Variants in DLG1 observed in about 807,000 individuals in gnomAD.
DLG1 encodes discs large MAGUK scaffold protein 1.
A neutral mutation model predicts 123.4 loss-of-function variants in DLG1; 42 were observed. The observed-to-expected ratio is 0.34, with a 90% confidence interval of 0.27 to 0.44. The LOEUF (loss-of-function observed/expected upper bound fraction) is 0.44, where lower values mean the gene tolerates loss of function less well. DLG1 is among the 20% of genes least tolerant of loss of function. DLG1 has a pLI of 1.00. For synonymous variants in DLG1, 317 were observed against 356.2 expected, an observed-to-expected ratio of 0.89 and a Z score of 1.24; for missense variants, 942 against 1,082.6, an observed-to-expected ratio of 0.87 and a Z score of 1.82.
At chr3:197,263,748 C>A (rs896708716) in intron 4 of DLG1, among the ~76,000 whole-genome samples, 1 of 152,158 alleles carries the variant, frequency 6.6e-6, no homozygotes, top group Non-Finnish European at 1.5e-5. Flanking sequence ...GATCTCACCA[C>A]TGCACTCCAG....
At chr3:197,186,346 C>A (rs1384589672) in intron 5 of DLG1, among the ~76,000 whole-genome samples, 1 of 152,090 alleles carries the variant, frequency 6.6e-6, no homozygotes, top group East Asian at 1.9e-4. Flanking sequence ...TAAAGAAAAA[C>A]CTGGAAAACC....
intron 11 of DLG1, among the ~76,000 whole-genome samples, chr3:197,123,491 T>C (rs1259719506): frequency 6.6e-6 from 1 of 152,100 alleles, no homozygotes; most frequent in African/African-American, 2.4e-5. Context: ...CAGGCAAAAA[T>C]GCTGAAAATA....
chr3:197,094,744 A>G (rs1044019220), intron 14 of DLG1, among the ~76,000 whole-genome samples: 3 of 152,172 alleles, frequency 2.0e-5, no homozygotes, highest in African/African-American at 4.8e-5. Context: ...TACGAACACT[A>G]TCACTCTATT....
rs745725779 is a variant in DLG1, at chr3:197,065,465, C to T, written c.2201-17G>A. Reference sequence around the variant, plus strand: ...TAGTTGTATCTTTAACAGAAAAAAACTTGGGAAAGTGTTTAATATTAAAAA... The same window carrying T: ...TAGTTGTATCTTTAACAGAAAAAAATTTGGGAAAGTGTTTAATATTAAAAA... On this transcript the variant is annotated splice_polypyrimidine_tract_variant and intron_variant, in intron 21 of 24. Coordinates refer to ENST00000667157, the MANE Select transcript of DLG1 (RefSeq NM_001366207.1). 1 of 1,558,584 alleles carries T rather than the reference C, an allele frequency of 6.4e-7. No homozygotes were observed. The highest frequency in any genetic ancestry group is 8.6e-7 in the Non-Finnish European group (1 of 1,158,274).
intron 23 of DLG1, among the ~76,000 whole-genome samples, chr3:197,055,877 G>A (rs1731331603): frequency 6.6e-6 from 1 of 152,180 alleles, no homozygotes; most frequent in African/African-American, 2.4e-5. Flanking sequence ...ATGGCTCACT[G>A]TATGGCTGCA....
chr3:197,166,829 T>C (rs1421176723), intron 5 of DLG1, among the ~76,000 whole-genome samples: 2 of 151,432 alleles, frequency 1.3e-5, no homozygotes, highest in Non-Finnish European at 2.9e-5. Flanking sequence ...GAGGCAGAGG[T>C]TGCAGTGAGC....
At chr3:197,198,375 C>T (rs569437730) in intron 4 of DLG1, among the ~76,000 whole-genome samples, 1 of 151,254 alleles carries the variant, frequency 6.6e-6, no homozygotes, top group African/African-American at 2.4e-5. Context: ...GTAGTCCCAA[C>T]TACTTGGGAG....
intron 4 of DLG1, among the ~76,000 whole-genome samples, chr3:197,233,654 G>A (rs1414868020): frequency 3.9e-5 from 6 of 151,992 alleles, no homozygotes; most frequent in Non-Finnish European, 7.4e-5. Context: ...CAAAGTGCTG[G>A]GATTACAGGT....
At chr3:197,122,521 C>T (rs1776977626) in intron 11 of DLG1, among the ~76,000 whole-genome samples, 1 of 152,006 alleles carries the variant, frequency 6.6e-6, no homozygotes, top group African/African-American at 2.4e-5. Context: ...ATTCATTGTT[C>T]ACAGATGACA....
intron 19 of DLG1, 69 bp from the exon 20 acceptor site, chr3:197,066,823 A>C (rs1367066620): frequency 3.0e-6 from 3 of 1,013,244 alleles, no homozygotes; most frequent in Non-Finnish European, 3.0e-6. Context: ...TTCTTCATAA[A>C]CAACATATAC....
At chr3:197,131,801 G>C (rs12054150) in intron 10 of DLG1, among the ~76,000 whole-genome samples, 5 of 151,236 alleles carry the variant, frequency 3.3e-5, no homozygotes, top group Non-Finnish European at 7.4e-5. Flanking sequence ...CACCGTTTTA[G>C]CCGGGATGGT....
At position 197,105,007 on chromosome 3, in the gene DLG1, T is replaced by TCA; in HGVS notation, c.1444-3_1444-2insTG. ...AGCTCTGAGGTCAACACTGTTTACCTGTAAATCAAACCAAATCTTAATTTG... is the reference window on the plus strand; with the variant it reads ...AGCTCTGAGGTCAACACTGTTTACCTCAGTAAATCAAACCAAATCTTAATTTG... On this transcript the variant is annotated splice_polypyrimidine_tract_variant and splice_region_variant and intron_variant, in intron 13 of 24. Coordinates refer to ENST00000667157, the MANE Select transcript of DLG1 (RefSeq NM_001366207.1). 1 of 1,582,714 alleles carries TCA rather than the reference T, an allele frequency of 6.3e-7. No individual in the cohort carries two copies. The highest frequency in any genetic ancestry group is 8.6e-7 in the Non-Finnish European group (1 of 1,163,388).
intron 15 of DLG1, among the ~76,000 whole-genome samples, chr3:197,086,682 A>G (rs1001878038): frequency 1.3e-5 from 2 of 152,168 alleles, no homozygotes; most frequent in African/African-American, 4.8e-5. Context: ...AGTTCTTTCA[A>G]GTCTTTTCGT....
chr3:197,211,086 A>G (rs1371764066), intron 4 of DLG1, among the ~76,000 whole-genome samples: 1 of 146,584 alleles, frequency 6.8e-6, no homozygotes, highest in Non-Finnish European at 1.5e-5. Context: ...AATTATTTCA[A>G]CAGACATATA....
At chr3:197,091,999 G>T (rs1412996788) in intron 14 of DLG1, among the ~76,000 whole-genome samples, 1 of 152,072 alleles carries the variant, frequency 6.6e-6, no homozygotes, top group East Asian at 1.9e-4. Context: ...AAAAAGCTTA[G>T]AAACATTTAA....
At chr3:197,273,012 C>T (rs1004958529) in intron 4 of DLG1, among the ~76,000 whole-genome samples, 1 of 152,132 alleles carries the variant, frequency 6.6e-6, no homozygotes. Context: ...AATTCCAGAA[C>T]CTGTTAGCAG....
At chr3:197,262,016 G>C (rs1434103019) in intron 4 of DLG1, among the ~76,000 whole-genome samples, 2 of 152,168 alleles carry the variant, frequency 1.3e-5, no homozygotes, top group East Asian at 1.9e-4. Context: ...TTCGGTCTTT[G>C]TTTCTGTCAG....
chr3:197,099,646 C>T (rs9877092), intron 14 of DLG1, among the ~76,000 whole-genome samples: 2,632 of 152,084 alleles, frequency 0.017, 81 homozygotes, highest in African/African-American at 0.06. Context: ...TTGTTTTCAC[C>T]GCCACACTAG....
chr3:197,187,803 T>G (rs1333790799), intron 5 of DLG1, among the ~76,000 whole-genome samples: 1 of 152,208 alleles, frequency 6.6e-6, no homozygotes, highest in African/African-American at 2.4e-5. Flanking sequence ...TACTCTTACA[T>G]AACCCCAAAA....
Sources: gnomAD v4.1 joint callset for allele counts (sites outside exome capture counted in the v4.1 genomes callset) on GRCh38, gnomAD v4.1.1 for gene constraint, MANE v1.5 for transcripts, NCBI Gene and HGNC (gene_info 2026-07-23, HGNC 2026-07-21) for gene names.